Variants in TTC21A observed in about 807,000 individuals in gnomAD.
TTC21A encodes tetratricopeptide repeat domain 21A.
Under a neutral mutation model 156.4 loss-of-function variants are expected in TTC21A, and 128 were observed. The observed-to-expected ratio is 0.82, with a 90% CI of 0.71 to 0.95. The LOEUF (loss-of-function observed/expected upper bound fraction) is 0.95. Ranked by LOEUF, TTC21A falls within the 40% of genes least tolerant of loss-of-function variation. The probability of loss-of-function intolerance (pLI) is 0.00; values close to 1 mark genes in which losing one functional copy is unlikely to be tolerated. For synonymous variants in TTC21A, 587 were observed against 617.1 expected (o/e 0.95, Z 0.72); for missense variants, 1,435 against 1,602.3 (o/e 0.90, Z 1.78).
chr3:39,123,757 G>A (rs2037968000), intron 9 of TTC21A, among the ~76,000 whole-genome samples: 1 of 151,750 alleles, frequency 6.6e-6, no homozygotes, highest in Non-Finnish European at 1.5e-5. Flanking sequence ...ACATGACAAG[G>A]TACTGTAAAA....
At chr3:39,108,000 A>G in intron 1 of TTC21A, 136 bp downstream of exon 1, 2 of 997,328 alleles carry the variant, frequency 2.0e-6, no homozygotes, top group Non-Finnish European at 2.9e-6. Flanking sequence ...TTCTTGCCCC[A>G]CTCCCCCTGG....
chr3:39,132,413 G>A (rs2038793181), intron 19 of TTC21A, among the ~76,000 whole-genome samples: 1 of 152,166 alleles, frequency 6.6e-6, no homozygotes, highest in Non-Finnish European at 1.5e-5. Context: ...TTTCCCCCCA[G>A]GGGTGTGGCC....
At chr3:39,126,239 C>A (rs1575534539) in intron 11 of TTC21A, 22 bp from the exon 12 acceptor site, 1 of 1,613,794 alleles carries the variant, frequency 6.2e-7, no homozygotes, top group East Asian at 2.2e-5. Flanking sequence ...CTACTCCCAC[C>A]TCCACCGCCG....
chr3:39,136,844 G>A, intron 23 of TTC21A, 55 bp from the exon 24 acceptor site: 1 of 1,599,226 alleles, frequency 6.3e-7, no homozygotes, highest in Non-Finnish European at 8.5e-7. Flanking sequence ...GTATATCCCT[G>A]CCCTGTCTGG....
At position 39,134,528 on chromosome 3, in the gene TTC21A, C is replaced by T; in HGVS notation, c.2862+200C>T. The T allele has an allele frequency of 3.1e-6, 2 of 652,430 alleles. No homozygotes were observed. The highest frequency in any genetic ancestry group is 5.6e-6 in the Non-Finnish European group (2 of 355,438). 40.4% of individuals were successfully genotyped at this position (652,430 alleles called of 1,614,324 possible). ...AAGCGGTAGGCTGGCTGGCAGTGGG[C>T]AGCATCAATCTCCTGGGCCAGTCTA... On this transcript the variant is annotated intron_variant, in intron 21 of 28. Coordinates refer to ENST00000683103, the MANE Select transcript of TTC21A (RefSeq NM_001366900.1). This position sits in a 1 kb window ranked among gnomAD's most constrained non-coding sequence, Gnocchi z 4.6.
In TTC21A at chr3:39,136,357, A is replaced by G; in HGVS notation, c.2945A>G (p.Asp982Gly). Residue 982 changes from aspartate to glycine, a missense_variant and splice_region_variant, in exon 23 of 29, where the codon GAC (aspartate) becomes GGC (glycine). Asp to Gly is a moderately conservative substitution (Grantham distance 94). Coordinates refer to ENST00000683103, the MANE Select transcript of TTC21A (RefSeq NM_001366900.1). ...TGGAGATTTCTGTCTCTTATTTTAG[A>G]CAATTTTTTGGTATTGCATAAATTA... ...LYHQVLEKAP[D>G]NFLVLHKLID... is the part of the protein sequence containing the mutation. The G allele has an allele frequency of 6.2e-7, 1 of 1,610,940 alleles. No individual in the cohort carries two copies. Among genetic ancestry groups the G allele is most frequent in the Non-Finnish European group, 8.5e-7 (1 of 1,178,222 alleles).
intron 7 of TTC21A, chr3:39,119,712 C>T (rs2037595704): frequency 2.2e-6 from 1 of 458,270 alleles, no homozygotes. Context: ...TGAATAATGT[C>T]CCCAGGAGTT....
intron 14 of TTC21A, 24 bp from the exon 15 acceptor site, chr3:39,129,048 G>T (rs1162183947): frequency 6.2e-7 from 1 of 1,612,652 alleles, no homozygotes; most frequent in Non-Finnish European, 8.5e-7. Flanking sequence ...CAAGTGAAGG[G>T]TCTGTTTGAT....
Position 39,129,053 on chromosome 3 carries a change from T to A in TTC21A, c.1897-19T>A. ...ACTTGTGCATCAAGTGAAGGGTCTG[T>A]TTGATTCCCATGTTTTAGCATGAGG... On this transcript the variant is annotated intron_variant, in intron 14 of 28. Coordinates refer to ENST00000683103, the MANE Select transcript of TTC21A (RefSeq NM_001366900.1). 1 of 1,613,592 alleles carries A rather than the reference T, an allele frequency of 6.2e-7. No individual in the cohort carries two copies. Among genetic ancestry groups the A allele is most frequent in the Non-Finnish European group, 8.5e-7 (1 of 1,179,462 alleles).
At position 39,130,707 on chromosome 3, in the gene TTC21A, G is replaced by A; in HGVS notation, c.2326G>A (p.Glu776Lys). The stretch of plus-strand genomic sequence containing the variant: ...ATTTACTGTTTGCACTAAGGCAATT[G>A]AGTATTATGAGGCTGCCCAGAAGAT... ...VKAHQYTEAI[E>K]YYEAAQKING... The change falls in exon 18 of 29, where the codon GAG becomes AAG. Residue 776 changes from glutamate (E) to lysine (K), a missense_variant. Transcript: ENST00000683103. The surrounding 1 kb of genome is among the most constrained non-coding windows in gnomAD (Gnocchi z 4.5). 1 of 1,614,186 alleles carries A rather than the reference G, an allele frequency of 6.2e-7. No individual in the cohort carries two copies. Among genetic ancestry groups the A allele is most frequent in the Admixed American group, 1.7e-5 (1 of 60,028 alleles).
intron 19 of TTC21A, 197 bp from the exon 20 acceptor site, chr3:39,132,855 T>G: frequency 1.6e-6 from 1 of 610,372 alleles, no homozygotes; most frequent in Non-Finnish European, 2.9e-6. Context: ...CTTCTGCTCC[T>G]GCCCCCAGAG....
intron 7 of TTC21A, chr3:39,119,652 A>AT: frequency 3.7e-6 from 1 of 271,016 alleles, no homozygotes; most frequent in Non-Finnish European, 6.8e-6. Flanking sequence ...AAGAAAAAAA[A>AT]GAAAAAAAAA....
chr3:39,136,187 G>A (rs2039099194), intron 22 of TTC21A, 170 bp from the exon 23 acceptor site: 1 of 611,100 alleles, frequency 1.6e-6, no homozygotes, highest in Non-Finnish European at 2.8e-6. Context: ...TTAAGCATTA[G>A]TATTATTCTT....
At chr3:39,126,540 T>TAAAC in intron 12 of TTC21A, 150 bp downstream of exon 12, 2 of 770,656 alleles carry the variant, frequency 2.6e-6, no homozygotes, top group Admixed American at 2.5e-5. Flanking sequence ...CCTGGGGTAC[T>TAAAC]ACGCACACAC....
At chr3:39,110,376 C>G in intron 3 of TTC21A, 1 of 591,124 alleles carries the variant, frequency 1.7e-6, no homozygotes, top group Non-Finnish European at 3.0e-6. Context: ...TGGGAGGGGC[C>G]CATGCTCCAG....
At position 39,137,629 on chromosome 3, in the gene TTC21A, C is replaced by T. The variant is rs371533262; in HGVS notation, c.3594C>T (p.Leu1198=). 9.9e-6 allele frequency: 16 copies of T among 1,614,124 alleles called. No homozygotes were observed. The highest frequency in any genetic ancestry group is 2.2e-5 in the East Asian group (1 of 44,904). The change falls in exon 26 of 29, where the codon CTC becomes CTT. Residue 1198 remains leucine, a synonymous_variant. Coordinates refer to ENST00000683103, the MANE Select transcript of TTC21A (RefSeq NM_001366900.1). ...SEAEDLEKSW[L]LLADIYCQGS... is the part of the protein sequence containing the mutation. ...CTGAGGACCTGGAGAAGAGCTGGCT[C>T]CTGCTGGCTGACATTTACTGCCAGG...
Position 39,134,277 on chromosome 3 carries a change from G to A in TTC21A, c.2811G>A (p.Gln937=). 6.2e-7 allele frequency: 1 copy of A among 1,614,070 alleles called. No individual in the cohort carries two copies. The highest frequency in any genetic ancestry group is 1.1e-5 in the South Asian group (1 of 91,076). The change falls in exon 21 of 29, where the codon CAG becomes CAA. Residue 937 remains glutamine (Q), a synonymous_variant. Coordinates refer to ENST00000683103, the MANE Select transcript of TTC21A (RefSeq NM_001366900.1). This position sits in a 1 kb window ranked among gnomAD's most constrained non-coding sequence, Gnocchi z 4.6. ...AGGGGCACCTGGACCTGTGTGAGCAGCACTGTGCCATCCTCCTGCAGACTG... is the reference window on the plus strand; with the variant it reads ...AGGGGCACCTGGACCTGTGTGAGCAACACTGTGCCATCCTCCTGCAGACTG... The part of the protein sequence containing the change: ...LLQGHLDLCE[Q]HCAILLQTEQ...
intron 3 of TTC21A, 34 bp from the exon 4 acceptor site, chr3:39,110,817 A>G (rs367723024): frequency 2.8e-5 from 45 of 1,612,238 alleles, no homozygotes; most frequent in Non-Finnish European, 3.1e-5. Context: ...TCCACATCCT[A>G]ACTCTCCCTC....
In TTC21A at chr3:39,114,568, T is replaced by C. The variant is rs2037116982; in HGVS notation, c.559-17T>C. On this transcript the variant is annotated splice_polypyrimidine_tract_variant and intron_variant, in intron 5 of 28. Coordinates refer to ENST00000683103, the MANE Select transcript of TTC21A (RefSeq NM_001366900.1). ...GGCACTCCCTTCACGGAGGCTCTTC[T>C]GTCTGGCTCCCAACAGGCAATGTAC... 26 of 1,613,618 alleles carry C rather than the reference T, an allele frequency of 1.6e-5. No individual in the cohort carries two copies. The highest frequency in any genetic ancestry group is 1.9e-5 in the Non-Finnish European group (23 of 1,179,660).
Sources: gnomAD v4.1 joint callset for allele counts (sites outside exome capture counted in the v4.1 genomes callset) on GRCh38, gnomAD v4.1.1 for gene constraint, Gnocchi (gnomAD v3.1) non-coding constraint, MANE v1.5 for transcripts, NCBI Gene and HGNC (gene_info 2026-07-23, HGNC 2026-07-21) for gene names.